Variants in PDE4D observed in about 807,000 individuals in gnomAD.
PDE4D encodes phosphodiesterase 4D, also known as 3',5'-cyclic-AMP phosphodiesterase 4D.
PDE4D carries 24 observed loss-of-function variants against 87.4 expected under a neutral mutation model. The ratio of observed to expected loss-of-function variants is 0.27; its 90% CI spans 0.20 to 0.39. The LOEUF is 0.39. Among genes scored for constraint, PDE4D ranks in the 10% least tolerant of loss-of-function variants. The pLI is 1.00. For synonymous variants in PDE4D, 384 were observed against 383.2 expected (o/e 1.00, Z -0.02); for missense variants, 714 against 1,041.0 (o/e 0.69, Z 4.32).
chr5:60,051,182 C>A (rs971406612), intron 2 of PDE4D, among the ~76,000 whole-genome samples: 5 of 152,050 alleles, frequency 3.3e-5, no homozygotes, highest in Non-Finnish European at 5.9e-5. Context: ...AGCTCTGGAC[C>A]AAGCAGACTT....
intron 1 of PDE4D, chr5:59,586,211 T>G (rs575445820): frequency 1.3e-6 from 1 of 759,156 alleles, no homozygotes; most frequent in South Asian, 1.9e-5. Context: ...TTGCACAGTT[T>G]ACTTTTCATT....
At chr5:59,456,235 C>T (rs753039728) in intron 1 of PDE4D, among the ~76,000 whole-genome samples, 5 of 152,138 alleles carry the variant, frequency 3.3e-5, no homozygotes, top group African/African-American at 4.8e-5. Context: ...TCCCATGTGT[C>T]GTGGGGGAAA....
chr5:60,271,942 G>A lies in PDE4D; in HGVS notation c.-89-86255C>T, dbSNP rs1440835130. The stretch of plus-strand genomic sequence containing the variant: ...TTTACAAAATAAGATTCAAAGAAAC[G>A]GAGGAGATGAGGAAGAAGAAATGGA... On this transcript the variant is annotated intron_variant, in intron 1 of 16. Transcript: ENST00000502484. Among the ~76,000 whole-genome samples the A allele has an allele frequency of 3.3e-5, 5 of 152,128 alleles. No individual in the cohort carries two copies. The East Asian group carries it at 7.7e-4, about 23-fold the overall frequency.
At chr5:60,013,894 C>G (rs559404409) in intron 2 of PDE4D, among the ~76,000 whole-genome samples, 1 of 152,076 alleles carries the variant, frequency 6.6e-6, no homozygotes, top group South Asian at 2.1e-4. Flanking sequence ...GAGACCGAGA[C>G]CATCCTGGCC....
intron 3 of PDE4D, among the ~76,000 whole-genome samples, chr5:59,949,609 G>T (rs1758090848): frequency 1.3e-5 from 2 of 152,052 alleles, no homozygotes; most frequent in Non-Finnish European, 2.9e-5. Flanking sequence ...GACCAAGTGG[G>T]CCTGATTCTC....
chr5:60,483,650 T>A (rs912028108), intron 1 of PDE4D, among the ~76,000 whole-genome samples: 1 of 152,190 alleles, frequency 6.6e-6, no homozygotes, highest in African/African-American at 2.4e-5. Flanking sequence ...GAAGTGTTCT[T>A]ATCCAATCAC....
intron 1 of PDE4D, among the ~76,000 whole-genome samples, chr5:60,408,638 C>T (rs1741778739): frequency 6.6e-6 from 1 of 152,094 alleles, no homozygotes; most frequent in South Asian, 2.1e-4. Context: ...TGATCACCAA[C>T]ATGTTTGTAT....
rs1460317343 is a variant in PDE4D at position 59,762,888 on chromosome 5, TATATAG to T, written c.455+130274_455+130279del. On this transcript the variant is annotated intron_variant, in intron 1 of 14. Transcript: ENST00000340635. ...ATATATATATATATATATATATATATATATAGCTTGCTCTTTCTCATTTTATAGTAT... is the reference window on the plus strand; with the variant it reads ...ATATATATATATATATATATATATATCTTGCTCTTTCTCATTTTATAGTAT... Among the ~76,000 whole-genome samples the T allele has an allele frequency of 2.8e-3, 384 of 138,402 alleles. 7 individuals carry two copies. The highest frequency in any genetic ancestry group is 3.8e-3 in the Non-Finnish European group (244 of 64,314). 90.8% of individuals were successfully genotyped at this position (138,402 alleles called of 152,430 possible).
intron 1 of PDE4D, among the ~76,000 whole-genome samples, chr5:60,421,149 A>G (rs1743058420): frequency 6.6e-6 from 1 of 152,232 alleles, no homozygotes; most frequent in African/African-American, 2.4e-5. Context: ...GCAGACTTAA[A>G]CATCCCTGTC....
intron 6 of PDE4D, among the ~76,000 whole-genome samples, chr5:59,034,118 G>A (rs931745104): frequency 1.3e-5 from 2 of 152,194 alleles, no homozygotes; most frequent in Middle Eastern, 6.8e-3. Flanking sequence ...GTGATTATAG[G>A]ATTCTCAATC....
At chr5:59,933,502 G>A (rs532081157) in intron 3 of PDE4D, among the ~76,000 whole-genome samples, 42 of 152,280 alleles carry the variant, frequency 2.8e-4, no homozygotes, top group African/African-American at 9.1e-4. Context: ...TGTACTGAGA[G>A]CAGGGCTCCT....
At chr5:59,639,016 G>A (rs570936180) in intron 1 of PDE4D, among the ~76,000 whole-genome samples, 7 of 152,154 alleles carry the variant, frequency 4.6e-5, no homozygotes, top group Admixed American at 1.3e-4. Flanking sequence ...TGTTTGGTGG[G>A]AAGTAGGAAG....
intron 1 of PDE4D, among the ~76,000 whole-genome samples, chr5:60,320,028 A>T (rs1756071070): frequency 6.6e-6 from 1 of 152,216 alleles, no homozygotes; most frequent in South Asian, 2.1e-4. Flanking sequence ...GGGACATTTA[A>T]GTCTGCAGAG....
intron 1 of PDE4D, among the ~76,000 whole-genome samples, chr5:59,503,919 G>T (rs1015182862): frequency 3.3e-5 from 5 of 152,104 alleles, no homozygotes; most frequent in Admixed American, 1.3e-4. Context: ...TTTCTTATCT[G>T]TTATTCTGTA....
intron 1 of PDE4D, among the ~76,000 whole-genome samples, chr5:59,365,162 T>C (rs1379365733): frequency 6.6e-6 from 1 of 151,974 alleles, no homozygotes; most frequent in African/African-American, 2.4e-5. Flanking sequence ...AAAATGTATA[T>C]AATTAAGAAG....
chr5:59,862,543 T>A (rs1168058980), intron 1 of PDE4D, among the ~76,000 whole-genome samples: 1 of 152,100 alleles, frequency 6.6e-6, no homozygotes, highest in South Asian at 2.1e-4. Flanking sequence ...TTTTGCCACC[T>A]TTGCCAGGTC....
At chr5:60,107,788 G>A (rs1777168475) in intron 2 of PDE4D, among the ~76,000 whole-genome samples, 1 of 152,084 alleles carries the variant, frequency 6.6e-6, no homozygotes, top group Non-Finnish European at 1.5e-5. Flanking sequence ...TGCAGAAAAG[G>A]CCTTTGACAA....
chr5:60,455,545 TA>T (rs1746405685), intron 1 of PDE4D, among the ~76,000 whole-genome samples: 1 of 152,100 alleles, frequency 6.6e-6, no homozygotes, highest in Non-Finnish European at 1.5e-5. Flanking sequence ...CAAACTACAG[TA>T]AAAAGTTAAA....
chr5:59,893,994 C>A (rs138394559), upstream of PDE4D, among the ~76,000 whole-genome samples: 980 of 152,178 alleles, frequency 6.4e-3, 10 homozygotes, highest in African/African-American at 0.021. Flanking sequence ...GTCAGCAACT[C>A]GGGCTGCAGA....
Sources: allele counts gnomAD v4.1 joint callset (sites outside exome capture counted in the v4.1 genomes callset), GRCh38; gene constraint gnomAD v4.1.1; transcripts MANE v1.5; gene names NCBI Gene and HGNC (gene_info 2026-07-23, HGNC 2026-07-21).